The following CACNA1A variants were observed in gnomAD, a reference collection of about 807,000 sequenced individuals.
CACNA1A encodes voltage-dependent P/Q-type calcium channel subunit alpha-1A.
Under a neutral mutation model 262.4 loss-of-function variants are expected in CACNA1A, and 57 were observed. That is an observed-to-expected ratio of 0.22 (90% CI 0.18 to 0.27). The LOEUF is 0.27. CACNA1A is among the 10% of genes least tolerant of loss of function. The probability of loss-of-function intolerance (pLI) is 1.00; values close to 1 mark genes in which losing one functional copy is unlikely to be tolerated. For synonymous variants in CACNA1A, 1,431 were observed against 1,419.3 expected (o/e 1.01, Z -0.18); for missense variants, 2,526 against 3,562.8 (o/e 0.71, Z 7.41).
chr19:13,210,722 G>A lies in CACNA1A; in HGVS notation c.6304-70C>T. The A allele has an allele frequency of 2.0e-6, 3 of 1,471,830 alleles. No individual in the cohort carries two copies. In the South Asian group the frequency reaches 3.6e-5, roughly 18 times the overall value. 91.2% of individuals were successfully genotyped at this position (1,471,830 alleles called of 1,614,324 possible). A position where few individuals can be genotyped will look rare whatever the true frequency, so the allele number is the denominator to read the frequency against. The stretch of plus-strand genomic sequence containing the variant: ...AAGAAAATAAATATAAAAGGCAAGA[G>A]GGAGAGTGAGGAGGTGGTGCATGGA... On this transcript the variant is annotated intron_variant, in intron 43 of 46. Coordinates refer to ENST00000360228, the MANE Select transcript of CACNA1A (RefSeq NM_001127222.2).
chr19:13,208,181 GGAGGAGGAGGA>G (rs2054644467), intron 46 of CACNA1A, 128 bp from the exon 47 acceptor site: 1 of 142,102 alleles, frequency 7.0e-6, no homozygotes, highest in Non-Finnish European at 1.2e-5. Flanking sequence ...AGGGGGAGGG[GGAGGAGGAGGA>G]GGAGGAGGAG....
At chr19:13,299,605 C>T (rs2057746410) in intron 18 of CACNA1A, among the ~76,000 whole-genome samples, 1 of 152,182 alleles carries the variant, frequency 6.6e-6, no homozygotes, top group Admixed American at 6.5e-5. Flanking sequence ...CCTGTGTAAT[C>T]TGCTTGTCAC....
chr19:13,277,269 G>A (rs980063481), intron 22 of CACNA1A, 141 bp from the exon 23 acceptor site: 6 of 602,932 alleles, frequency 1.0e-5, no homozygotes, highest in South Asian at 2.0e-5. Context: ...TGCGCAGGGC[G>A]TGCACTGCAC....
At chr19:13,355,299 G>A (rs748383939) in intron 6 of CACNA1A, among the ~76,000 whole-genome samples, 4 of 152,204 alleles carry the variant, frequency 2.6e-5, no homozygotes, top group South Asian at 2.1e-4. Flanking sequence ...ATCCTCCCCC[G>A]GAGGCTTTTG....
Position 13,212,700 on chromosome 19 carries a change from G to A in CACNA1A, c.5981C>T (p.Ser1994Phe). The A allele has an allele frequency of 6.6e-7, 1 of 1,510,058 alleles. No individual in the cohort carries two copies. Among genetic ancestry groups the A allele is most frequent in the Non-Finnish European group, 8.8e-7 (1 of 1,130,138 alleles). 93.5% of individuals were successfully genotyped at this position (1,510,058 alleles called of 1,614,324 possible). A position where few individuals can be genotyped will look rare whatever the true frequency, so the allele number is the denominator to read the frequency against. ...GCCAGGTCCCCCTTCCTGCGTTGGG[G>A]ACGGGGGCTCCATGCGCTGGAACAT... ...PLMFQRMEPP[S>F]PTQEGGPGQN... The change falls in exon 41 of 47, where the codon TCC (serine) becomes TTC (phenylalanine). Residue 1994 changes from serine to phenylalanine, a missense_variant. Physicochemically the swap from Ser to Phe is radical, Grantham distance 155 (BLOSUM62 -2). This residue lies in a region of CACNA1A where 929 missense variants were observed against 868.1 expected (regional missense o/e 1.07). Transcript: ENST00000360228. The surrounding 1 kb of genome is among the most constrained non-coding windows in gnomAD (Gnocchi z 5.6).
At chr19:13,479,636 G>A (rs954838351) in intron 1 of CACNA1A, among the ~76,000 whole-genome samples, 4 of 152,196 alleles carry the variant, frequency 2.6e-5, no homozygotes, top group African/African-American at 9.7e-5. Flanking sequence ...AACGAAGAGA[G>A]GGAAGAGGAG....
intron 5 of CACNA1A, among the ~76,000 whole-genome samples, chr19:13,361,654 T>C (rs2059113494): frequency 6.6e-6 from 1 of 152,202 alleles, no homozygotes; most frequent in Non-Finnish European, 1.5e-5. Context: ...ATGAATCTTG[T>C]TGGCCTTTCA....
chr19:13,376,874 ATAAC>A (rs2059426953), intron 3 of CACNA1A, among the ~76,000 whole-genome samples: 1 of 142,658 alleles, frequency 7.0e-6, no homozygotes, highest in African/African-American at 2.5e-5. Context: ...TGTGATATAT[ATAAC>A]ACATGATATA....
At chr19:13,220,967 CA>C (rs1261502549) in intron 38 of CACNA1A, among the ~76,000 whole-genome samples, 2 of 151,710 alleles carry the variant, frequency 1.3e-5, no homozygotes, top group Non-Finnish European at 2.9e-5. Context: ...CTGGCATTAA[CA>C]ATATCTGTCC....
At chr19:13,295,124 G>C (rs1487043573) in intron 19 of CACNA1A, among the ~76,000 whole-genome samples, 1 of 152,238 alleles carries the variant, frequency 6.6e-6, no homozygotes, top group Non-Finnish European at 1.5e-5. Context: ...TTCACTTGCA[G>C]TTGTGTGACT....
At chr19:13,478,191 CAT>C (rs1978796821) in intron 1 of CACNA1A, among the ~76,000 whole-genome samples, 1 of 152,134 alleles carries the variant, frequency 6.6e-6, no homozygotes, top group Non-Finnish European at 1.5e-5. Context: ...ACAAAATAAA[CAT>C]GTCATTGTGA....
chr19:13,291,505 C>A (rs142042942), intron 19 of CACNA1A, among the ~76,000 whole-genome samples: 15 of 151,976 alleles, frequency 9.9e-5, no homozygotes, highest in African/African-American at 3.4e-4. Context: ...GTGTTCAAAG[C>A]TTTAATGGGG....
At position 13,394,681 on chromosome 19, in the gene CACNA1A, G is replaced by A. The variant is rs567374055; in HGVS notation, c.540-22902C>T. Among the ~76,000 whole-genome samples the A allele has an allele frequency of 2.8e-4, 42 of 152,260 alleles. No homozygotes were observed. The Middle Eastern group carries it at 0.017, about 62-fold the overall frequency. On this transcript the variant is annotated intron_variant, in intron 3 of 46. Transcript: ENST00000360228. ...CCCTGTTCACAGCATCGTCACTGTG[G>A]GAGGTGGGCGCCTATACCCACTTCA...
intron 6 of CACNA1A, among the ~76,000 whole-genome samples, chr19:13,356,853 A>G (rs2059014680): frequency 6.6e-6 from 1 of 152,110 alleles, no homozygotes. Context: ...AATTGGGCTG[A>G]CCCTTTGTCC....
At chr19:13,472,521 T>C (rs1326680043) in intron 1 of CACNA1A, among the ~76,000 whole-genome samples, 1 of 152,084 alleles carries the variant, frequency 6.6e-6, no homozygotes, top group Non-Finnish European at 1.5e-5. Flanking sequence ...GTGAGTCCCT[T>C]TGCTCATCAG....
intron 1 of CACNA1A, among the ~76,000 whole-genome samples, chr19:13,465,057 T>C (rs1249688943): frequency 6.6e-6 from 1 of 151,936 alleles, no homozygotes; most frequent in African/African-American, 2.4e-5. Context: ...GCCTCCCGAG[T>C]AGCTGGGACT....
chr19:13,496,449 T>C (rs1308538902), intron 1 of CACNA1A, among the ~76,000 whole-genome samples: 11 of 152,090 alleles, frequency 7.2e-5, no homozygotes, highest in Admixed American at 7.2e-4. Context: ...AGTCTGGCAA[T>C]GGGGCATAAC....
In CACNA1A at chr19:13,298,695, G is replaced by C. The variant is rs778978325; in HGVS notation, c.2938C>G (p.Arg980Gly). ...EDKAERRARH[R>G]EGSRPARGGE... ...CCCCGGGCCGGCCGGCTGCCCTCGC[G>C]GTGCCGCGCCCTCCGCTCCGCCTTG... The change falls in exon 19 of 47, where the codon CGC becomes GGC. Residue 980 changes from arginine (R) to glycine (G), a missense_variant. Physicochemically the swap from Arg to Gly is moderately radical, Grantham distance 125 (BLOSUM62 -2). Coordinates refer to ENST00000360228, the MANE Select transcript of CACNA1A (RefSeq NM_001127222.2). 6.9e-7 allele frequency: 1 copy of C among 1,443,450 alleles called. No individual in the cohort carries two copies. The highest frequency in any genetic ancestry group is 1.4e-5 in the South Asian group (1 of 69,030). 89.4% of individuals were successfully genotyped at this position (1,443,450 alleles called of 1,614,324 possible).
At chr19:13,489,606 C>G (rs1288444766) in intron 1 of CACNA1A, among the ~76,000 whole-genome samples, 5 of 152,178 alleles carry the variant, frequency 3.3e-5, no homozygotes, top group Non-Finnish European at 7.3e-5. Flanking sequence ...AGACTATGGC[C>G]AAGGGTGAGA....
Sources: gnomAD v4.1 joint callset for allele counts (sites outside exome capture counted in the v4.1 genomes callset) on GRCh38, gnomAD v4.1.1 for gene constraint, gnomAD v4.1.1 regional missense constraint, Gnocchi (gnomAD v3.1) non-coding constraint, MANE v1.5 for transcripts, NCBI Gene and HGNC (gene_info 2026-07-23, HGNC 2026-07-21) for gene names.